The following TIAM2 variants were observed in gnomAD, a reference collection of about 807,000 sequenced individuals.
TIAM2 encodes rho guanine nucleotide exchange factor TIAM2.
A neutral mutation model predicts 152.9 loss-of-function variants in TIAM2; 80 were observed. That is an observed-to-expected ratio of 0.52 (90% CI 0.44 to 0.63). The LOEUF (loss-of-function observed/expected upper bound fraction) is 0.63, where lower values mean the gene tolerates loss of function less well. TIAM2 is among the 30% of genes least tolerant of loss of function. TIAM2 has a pLI of 0.00. For missense variants in TIAM2, 1,965 were observed against 2,120.1 expected (o/e 0.93, Z 1.44); for synonymous variants, 804 against 838.0 (o/e 0.96, Z 0.70).
At chr6:155,236,741 G>T (rs565415199) in intron 15 of TIAM2, among the ~76,000 whole-genome samples, 65 of 152,184 alleles carry the variant, frequency 4.3e-4, no homozygotes, top group Non-Finnish European at 8.7e-4. Context: ...AGAAACTCCT[G>T]TTTTTAAAAT....
chr6:155,124,018 A>G (rs1180636485), intron 2 of TIAM2, among the ~76,000 whole-genome samples: 6 of 152,108 alleles, frequency 3.9e-5, no homozygotes, highest in African/African-American at 1.4e-4. Flanking sequence ...TATTATCATC[A>G]TCATTTTTGA....
At chr6:155,148,842 A>T (rs1159915484) in intron 7 of TIAM2, among the ~76,000 whole-genome samples, 1 of 152,190 alleles carries the variant, frequency 6.6e-6, no homozygotes, top group African/African-American at 2.4e-5. Flanking sequence ...TTCCATATTC[A>T]TATAATAAAT....
At chr6:154,996,669 TA>T (rs1227961068) in intron 1 of TIAM2, among the ~76,000 whole-genome samples, 6 of 152,190 alleles carry the variant, frequency 3.9e-5, no homozygotes, top group Non-Finnish European at 7.3e-5. Flanking sequence ...AGGCTCTGGA[TA>T]AAAAAGTGTC....
chr6:155,051,734 TC>T (rs1019539440), intron 1 of TIAM2, among the ~76,000 whole-genome samples: 10 of 152,196 alleles, frequency 6.6e-5, no homozygotes, highest in African/African-American at 2.4e-4. Flanking sequence ...AACTTCCGCC[TC>T]CCAGGTTCAA....
intron 7 of TIAM2, among the ~76,000 whole-genome samples, chr6:155,160,603 C>T (rs889412881): frequency 6.6e-6 from 1 of 151,636 alleles, no homozygotes; most frequent in African/African-American, 2.4e-5. Flanking sequence ...CCTGTCTCTA[C>T]AAAAAAAATG....
intron 1 of TIAM2, among the ~76,000 whole-genome samples, chr6:155,047,706 CGAGAGAGAGAGAGAGAGAGCGA>C (rs1292835149): frequency 1.9e-4 from 8 of 41,122 alleles, no homozygotes; most frequent in East Asian, 7.9e-4. Flanking sequence ...AGAGAGAGAG[CGAGAGAGAGAGAGAGAGAGCGA>C]GAGAGAGAGA....
At position 155,183,417 on chromosome 6, in the gene TIAM2, A is replaced by AC; in HGVS notation, c.2983dup (p.Gln995ProfsTer9). 5 of 1,614,138 alleles carry AC rather than the reference A, an allele frequency of 3.1e-6. No homozygotes were observed. The highest frequency in any genetic ancestry group is 3.4e-6 in the Non-Finnish European group (4 of 1,180,030). On this transcript the variant is annotated frameshift_variant, in exon 14 of 27. Transcript: ENST00000682666. LOFTEE classifies it high-confidence loss of function. ...TCAGACAGTGACCTGTTCTCCAGGG[A>AC]CCAGAAGAGTCTGCTGCCCCCTCCT...
In TIAM2 at chr6:155,257,546, TA is replaced by T; in HGVS notation, c.*426del. 1 of 403,344 alleles carries T rather than the reference TA, an allele frequency of 2.5e-6. No homozygotes were observed. The highest frequency in any genetic ancestry group is 3.1e-5 in the South Asian group (1 of 32,590). 25.0% of individuals were successfully genotyped at this position (403,344 alleles called of 1,614,324 possible). ...ATATTTAAGTTATTTTAATGTGGTT[TA>T]GGGGCAAAATGTGCAGATACTTCAT... On this transcript the variant is annotated 3_prime_UTR_variant, in exon 27 of 27. Coordinates refer to ENST00000682666, the MANE Select transcript of TIAM2 (RefSeq NM_012454.4).
At chr6:155,029,463 A>AGTATATATTAT (rs1381477821) in intron 1 of TIAM2, among the ~76,000 whole-genome samples, 1 of 52,830 alleles carries the variant, frequency 1.9e-5, no homozygotes, top group African/African-American at 8.5e-5. Context: ...TATTATATAT[A>AGTATATATTAT]ATATATACTA....
rs377289785 is a variant in TIAM2, at chr6:155,256,809, C to T, written c.4794C>T (p.Ser1598=). Reference sequence around the variant, plus strand: ...TTCAGTTCCAGAGACTGAGGATTTCCGAGGACCCAGACGTTCACCCCGAGG... The same window carrying T: ...TTCAGTTCCAGAGACTGAGGATTTCTGAGGACCCAGACGTTCACCCCGAGG... ...IEIQFQRLRI[S]EDPDVHPEAE... The change falls in exon 27 of 27, where the codon TCC becomes TCT. Residue 1598 remains serine, a synonymous_variant. Coordinates refer to ENST00000682666, the MANE Select transcript of TIAM2 (RefSeq NM_012454.4). The T allele has an allele frequency of 1.5e-5, 25 of 1,614,030 alleles. No homozygotes were observed. The highest frequency in any genetic ancestry group is 8.0e-5 in the African/African-American group (6 of 74,896).
chr6:155,054,940 C>T (rs766976034), intron 1 of TIAM2, among the ~76,000 whole-genome samples: 9 of 151,872 alleles, frequency 5.9e-5, no homozygotes, highest in Admixed American at 2.0e-4. Context: ...TTTCTGTGGT[C>T]GACATACATA....
intron 1 of TIAM2, among the ~76,000 whole-genome samples, chr6:155,082,525 T>G (rs1431351470): frequency 1.3e-5 from 2 of 151,624 alleles, no homozygotes; most frequent in Non-Finnish European, 2.9e-5. Flanking sequence ...TGGCACACAC[T>G]TGTAATCTCA....
chr6:155,047,706 CGAGAGAGAGAGAGAGA>C (rs1562300223), intron 1 of TIAM2, among the ~76,000 whole-genome samples: 1 of 41,192 alleles, frequency 2.4e-5, no homozygotes, highest in Admixed American at 3.4e-4. Context: ...AGAGAGAGAG[CGAGAGAGAGAGAGAGA>C]GAGCGAGAGA....
At chr6:155,141,655 G>C (rs957132318) in intron 5 of TIAM2, among the ~76,000 whole-genome samples, 4 of 152,140 alleles carry the variant, frequency 2.6e-5, no homozygotes, top group African/African-American at 9.7e-5. Flanking sequence ...CAGTTCACTG[G>C]GGACTTCCTG....
chr6:155,107,440 G>A (rs1447623449), intron 2 of TIAM2, among the ~76,000 whole-genome samples: 4 of 152,126 alleles, frequency 2.6e-5, no homozygotes, highest in Non-Finnish European at 4.4e-5. Context: ...TGTACGTATT[G>A]TATGGATTTA....
intron 14 of TIAM2, among the ~76,000 whole-genome samples, chr6:155,187,605 G>GTTTTTTTTTTTTTTTTTT (rs1781079225): frequency 1.5e-5 from 1 of 65,044 alleles, no homozygotes; most frequent in Non-Finnish European, 2.8e-5. Context: ...TTGAGATGAA[G>GTTTTTTTTTTTTTTTTTT]TTTTGCTCTT....
At chr6:155,009,695 C>A (rs1217695281) in intron 1 of TIAM2, among the ~76,000 whole-genome samples, 1 of 152,060 alleles carries the variant, frequency 6.6e-6, no homozygotes, top group Non-Finnish European at 1.5e-5. Flanking sequence ...ATATAATATA[C>A]AAAAGGGATG....
intron 14 of TIAM2, 102 bp downstream of exon 14, chr6:155,183,602 A>G: frequency 1.4e-6 from 2 of 1,388,756 alleles, no homozygotes; most frequent in Non-Finnish European, 1.9e-6. Context: ...AGCTGTTCAA[A>G]GAATGTTTTC....
intron 14 of TIAM2, among the ~76,000 whole-genome samples, chr6:155,193,950 T>A (rs1189420595): frequency 6.6e-6 from 1 of 152,242 alleles, no homozygotes; most frequent in Non-Finnish European, 1.5e-5. Context: ...GACATTTTTC[T>A]GAAAATAATT....
Sources: gnomAD v4.1 joint callset for allele counts (sites outside exome capture counted in the v4.1 genomes callset) on GRCh38, gnomAD v4.1.1 for gene constraint, MANE v1.5 for transcripts, NCBI Gene and HGNC (gene_info 2026-07-23, HGNC 2026-07-21) for gene names.